Variants in CSMD2 observed in about 807,000 individuals in gnomAD.
CSMD2 encodes the protein CUB and Sushi multiple domains 2, also known as CUB and sushi domain-containing protein 2.
A neutral mutation model predicts 398.5 loss-of-function variants in CSMD2; 130 were observed. The observed-to-expected ratio is 0.33, with a 90% CI of 0.28 to 0.38. The LOEUF is 0.38. Among genes scored for constraint, CSMD2 ranks in the 10% least tolerant of loss-of-function variants. The pLI, the probability that CSMD2 is intolerant of heterozygous loss-of-function variation, is 1.00. For missense variants in CSMD2, 3,829 were observed against 4,764.9 expected (o/e 0.80, Z 5.78); for synonymous variants, 1,828 against 1,908.5 (o/e 0.96, Z 1.10).
chr1:33,741,328 T>G (rs182022517), intron 14 of CSMD2, among the ~76,000 whole-genome samples: 80 of 151,956 alleles, frequency 5.3e-4, no homozygotes, highest in Admixed American at 1.3e-3. Flanking sequence ...AGGAGGAGAT[T>G]AAAATCCTAT....
chr1:33,947,903 G>A (rs978255889), intron 3 of CSMD2, among the ~76,000 whole-genome samples: 11 of 152,336 alleles, frequency 7.2e-5, no homozygotes, highest in Middle Eastern at 3.4e-3. Flanking sequence ...AAACTGAGGC[G>A]CAGAGAGGGT....
intron 42 of CSMD2, 120 bp from the exon 43 acceptor site, chr1:33,602,666 G>T: frequency 1.1e-6 from 1 of 874,498 alleles, no homozygotes; most frequent in Non-Finnish European, 1.7e-6. Context: ...AGGTTGGGTG[G>T]GATGCGGAAG....
intron 3 of CSMD2, among the ~76,000 whole-genome samples, chr1:33,942,766 G>T (rs1413012342): frequency 1.3e-5 from 2 of 152,186 alleles, no homozygotes; most frequent in Non-Finnish European, 2.9e-5. Flanking sequence ...GCCCAGCTGG[G>T]TTTATCTCTC....
chr1:33,573,892 T>C (rs569891117), intron 49 of CSMD2, among the ~76,000 whole-genome samples: 105 of 152,254 alleles, frequency 6.9e-4, no homozygotes, highest in Middle Eastern at 3.4e-3. Context: ...CACACAGGCA[T>C]TCCTCCAAAT....
chr1:33,745,757 C>T (rs1234170378), intron 13 of CSMD2, among the ~76,000 whole-genome samples: 2 of 152,004 alleles, frequency 1.3e-5, no homozygotes, highest in African/African-American at 4.8e-5. Flanking sequence ...GAATTCGAGC[C>T]AAGGGGAGAG....
intron 5 of CSMD2, among the ~76,000 whole-genome samples, chr1:33,857,771 C>G (rs747992398): frequency 8.5e-5 from 13 of 152,150 alleles, no homozygotes; most frequent in Non-Finnish European, 1.5e-4. Flanking sequence ...GGGGACAATT[C>G]TCCAAAAGAA....
Position 33,728,010 on chromosome 1 carries a change from G to A in CSMD2, c.2369-1325C>T, listed in dbSNP as rs79715401. 4.5e-3 allele frequency among the ~76,000 whole-genome samples: 678 copies of A among 152,296 alleles called. 5 individuals are homozygous for A. The highest frequency in any genetic ancestry group is 7.1e-3 in the Non-Finnish European group (486 of 68,014). On this transcript the variant is annotated intron_variant, in intron 15 of 70. Coordinates refer to ENST00000373381, the MANE Select transcript of CSMD2 (RefSeq NM_001281956.2). ...CTCTTTGCAAAACAAAATCCCCTGTGAGGTTGGTGCTATTATTACCTCCTA... is the reference window on the plus strand; with the variant it reads ...CTCTTTGCAAAACAAAATCCCCTGTAAGGTTGGTGCTATTATTACCTCCTA...
Position 33,772,719 on chromosome 1 carries a change from T to G in CSMD2, c.1696A>C (p.Ile566Leu), listed in dbSNP as rs1334985970. 1.9e-6 allele frequency: 3 copies of G among 1,613,950 alleles called. No individual in the cohort carries two copies. The highest frequency in any genetic ancestry group is 2.5e-6 in the Non-Finnish European group (3 of 1,179,942). Residue 566 changes from isoleucine (I) to leucine (L), a missense_variant, in exon 13 of 71, where the codon ATA becomes CTA. Around this residue, in one of 5 missense-constraint regions of CSMD2, gnomAD observed 2,001 missense variants for 2,567.1 expected, o/e 0.78. Transcript: ENST00000373381. Reference protein sequence around the residue: ...IEQGSCGDPGIPAYGRREGSR... With the variant: ...IEQGSCGDPGLPAYGRREGSR... ...CCTTCCCTCCGGCCATATGCAGGTA[T>G]GCCAGGGTCACCGCAACTGCCCTGC...
At chr1:33,935,488 G>C (rs1271359925) in intron 4 of CSMD2, among the ~76,000 whole-genome samples, 1 of 152,174 alleles carries the variant, frequency 6.6e-6, no homozygotes, top group Non-Finnish European at 1.5e-5. Context: ...GAGACAGGAG[G>C]GCTAGAGGTA....
At chr1:33,789,192 G>C (rs1653922228) in intron 11 of CSMD2, among the ~76,000 whole-genome samples, 1 of 152,008 alleles carries the variant, frequency 6.6e-6, no homozygotes. Flanking sequence ...CTTTCAATGA[G>C]ACATCTCCTT....
chr1:34,164,389 G>C lies in CSMD2; in HGVS notation c.187+522C>G, dbSNP rs1362834567. Among the ~76,000 whole-genome samples the C allele has an allele frequency of 6.6e-6, 1 of 152,098 alleles. No homozygotes were observed. Among genetic ancestry groups the C allele is most frequent in the Non-Finnish European group, 1.5e-5 (1 of 68,000 alleles). ...CGGCCGCAGTCTGCAGTCGGTTCCA[G>C]AGGGGGCACCGGTTTCAATTGGAGA... On this transcript the variant is annotated intron_variant, in intron 1 of 70. Coordinates refer to ENST00000373381, the MANE Select transcript of CSMD2 (RefSeq NM_001281956.2). The surrounding 1 kb of genome is among the most constrained non-coding windows in gnomAD (Gnocchi z 6.2).
rs979690287 is a variant in CSMD2 at position 33,810,789 on chromosome 1, T to C, written c.1400A>G (p.Asn467Ser). Residue 467 changes from asparagine (N) to serine (S), a missense_variant, in exon 10 of 71, where the codon AAC becomes AGC. Asn to Ser is a conservative substitution (Grantham distance 46). Transcript: ENST00000373381. Reference protein sequence around the residue: ...TSPNFPIQYDNNAHCVWIITA... With the variant: ...TSPNFPIQYDSNAHCVWIITA... ...GATGATCCACACACAGTGTGCATTG[T>C]TGTCATACTGAATGGGGAAATTGGG... 6.2e-7 allele frequency: 1 copy of C among 1,612,992 alleles called. No homozygotes were observed. The highest frequency in any genetic ancestry group is 8.5e-7 in the Non-Finnish European group (1 of 1,179,496).
chr1:33,521,417 TCCC>T, intron 68 of CSMD2, 43 bp downstream of exon 68: 1 of 1,082,956 alleles, frequency 9.2e-7, no homozygotes, highest in Non-Finnish European at 1.4e-6. Context: ...ACGGTTTCTC[TCCC>T]ACCCACCCGG....
At position 33,611,064 on chromosome 1, in the gene CSMD2, G is replaced by C; in HGVS notation, c.6320C>G (p.Pro2107Arg). Reference protein sequence around the residue: ...YFHSDHSQNRPGFKLEYQAYE... With the variant: ...YFHSDHSQNRRGFKLEYQAYE... ...ACCCTGATACTCCAGCTTGAATCCT[G>C]GCCGATTCTGGGAGTGGTCGCTGTG... The change falls in exon 41 of 71, where the codon CCA (proline) becomes CGA (arginine). Residue 2107 changes from proline to arginine, a missense_variant. Transcript: ENST00000373381. 1 of 1,613,966 alleles carries C rather than the reference G, an allele frequency of 6.2e-7. No individual in the cohort carries two copies. The highest frequency in any genetic ancestry group is 8.5e-7 in the Non-Finnish European group (1 of 1,180,002).
chr1:33,717,008 G>A (rs1047003555), intron 19 of CSMD2, among the ~76,000 whole-genome samples: 5 of 152,198 alleles, frequency 3.3e-5, no homozygotes, highest in African/African-American at 1.2e-4. Flanking sequence ...GAAGAGGCAG[G>A]TGGAGGATGG....
At chr1:33,550,128 T>C (rs778583257) in intron 56 of CSMD2, 49 bp downstream of exon 56, 1 of 1,573,884 alleles carries the variant, frequency 6.4e-7, no homozygotes, top group Non-Finnish European at 8.7e-7. Flanking sequence ...CTACCTCCCA[T>C]CAGTCAAGCA....
In CSMD2 at chr1:33,519,658, A is replaced by G. The variant is rs1384880299; in HGVS notation, c.10756T>C (p.Phe3586Leu). 1 of 1,613,898 alleles carries G rather than the reference A, an allele frequency of 6.2e-7. No homozygotes were observed. Among genetic ancestry groups the G allele is most frequent in the East Asian group, 2.2e-5 (1 of 44,838 alleles). The change falls in exon 70 of 71, where the codon TTC (phenylalanine) becomes CTC (leucine). Residue 3586 changes from phenylalanine to leucine, a missense_variant. Around this residue, in one of 5 missense-constraint regions of CSMD2, gnomAD observed 917 missense variants for 1,199.5 expected, o/e 0.76. Coordinates refer to ENST00000373381, the MANE Select transcript of CSMD2 (RefSeq NM_001281956.2). This position sits in a 1 kb window ranked among gnomAD's most constrained non-coding sequence, Gnocchi z 5.6. ...YKHRRRPKVP[F>L]NGYAGHENTN... ...TTCTCGTGGCCAGCATAGCCATTGA[A>G]AGGAACTTTGGGTCTTCTCCTGGCG...
chr1:33,742,451 G>T (rs983121026), intron 14 of CSMD2, among the ~76,000 whole-genome samples: 2 of 152,138 alleles, frequency 1.3e-5, no homozygotes, highest in Non-Finnish European at 2.9e-5. Flanking sequence ...TGCTCAGATG[G>T]ACCCACCTCC....
At chr1:34,083,514 C>G (rs969922795) in intron 2 of CSMD2, among the ~76,000 whole-genome samples, 1 of 152,224 alleles carries the variant, frequency 6.6e-6, no homozygotes, top group African/African-American at 2.4e-5. Context: ...TCTGGCCCTA[C>G]TTAAAAATGA....
Sources: gnomAD v4.1 joint callset for allele counts (sites outside exome capture counted in the v4.1 genomes callset) on GRCh38, gnomAD v4.1.1 for gene constraint, gnomAD v4.1.1 regional missense constraint, Gnocchi (gnomAD v3.1) non-coding constraint, MANE v1.5 for transcripts, NCBI Gene and HGNC (gene_info 2026-07-23, HGNC 2026-07-21) for gene names.